CEP85L: variants seen among roughly 807,000 people sequenced by gnomAD.
The protein encoded by CEP85L is centrosomal protein of 85 kDa-like.
In CEP85L, 60 loss-of-function variants were observed where a neutral mutation model predicts 100.3. The observed-to-expected ratio is 0.60, with a 90% confidence interval of 0.49 to 0.74. The LOEUF is 0.74. Ranked by LOEUF, CEP85L falls within the 30% of genes least tolerant of loss-of-function variation. CEP85L has a pLI of 0.00. For synonymous variants in CEP85L, 319 were observed against 322.7 expected (o/e 0.99, Z 0.12); for missense variants, 973 against 936.2 (o/e 1.04, Z -0.51).
Position 118,462,971 on chromosome 6 carries a change from A to G in CEP85L, c.*2434T>C, listed in dbSNP as rs557728354. ...CTCCAGATTTTAAGAGGATCAATCT[A>G]TAATTCAGCTAACTACTTAAACTAG... On this transcript the variant is annotated 3_prime_UTR_variant, in exon 13 of 13. Transcript: ENST00000368491. The G allele has an allele frequency of 5.3e-5, 8 of 152,148 alleles. No homozygotes were observed. The highest frequency in any genetic ancestry group is 1.9e-4 in the African/African-American group (8 of 41,542). 9.4% of individuals were successfully genotyped at this position (152,148 alleles called of 1,614,324 possible).
In CEP85L at chr6:118,461,814, A is replaced by G. The variant is rs1772248616; in HGVS notation, c.*3591T>C. On this transcript the variant is annotated 3_prime_UTR_variant, in exon 13 of 13. Coordinates refer to ENST00000368491, the MANE Select transcript of CEP85L (RefSeq NM_001042475.3). ...TTCAAATGATATAGTCTGAGTGAGC[A>G]TGGTTATGAAAATTGCTTATTACCA... The G allele has an allele frequency of 6.6e-6, 1 of 152,080 alleles. No homozygotes were observed. Among genetic ancestry groups the G allele is most frequent in the African/African-American group, 2.4e-5 (1 of 41,442 alleles). 9.4% of individuals were successfully genotyped at this position (152,080 alleles called of 1,614,324 possible).
At chr6:118,684,941 C>T (rs73768521) in intron 1 of CEP85L, among the ~76,000 whole-genome samples, 5,244 of 152,212 alleles carry the variant, frequency 0.034, 177 homozygotes, top group African/African-American at 0.074. Flanking sequence ...TGTGAAGCAC[C>T]GCGCCTGGCC....
chr6:118,471,142 T>C (rs1015475342), intron 10 of CEP85L, among the ~76,000 whole-genome samples: 9 of 152,054 alleles, frequency 5.9e-5, no homozygotes, highest in African/African-American at 1.9e-4. Flanking sequence ...AAGCAGTGAA[T>C]ATACTGTGAA....
At chr6:118,667,064 T>C (rs560804572) in intron 1 of CEP85L, among the ~76,000 whole-genome samples, 2 of 152,354 alleles carry the variant, frequency 1.3e-5, no homozygotes, top group South Asian at 4.1e-4. Context: ...GTCCTCTATA[T>C]GTCAGGTACT....
chr6:118,471,660 G>GA (rs1772962286), intron 10 of CEP85L, among the ~76,000 whole-genome samples: 1 of 150,784 alleles, frequency 6.6e-6, no homozygotes, highest in African/African-American at 2.4e-5. Flanking sequence ...GCTAAACTCT[G>GA]AAAAAAATAT....
intron 1 of CEP85L, among the ~76,000 whole-genome samples, chr6:118,702,515 A>AAGAAAAACAATTAATTGCAATTTC (rs1777448204): frequency 6.6e-6 from 1 of 152,228 alleles, no homozygotes; most frequent in Non-Finnish European, 1.5e-5. Flanking sequence ...CCATCTCAAA[A>AAGAAAAACAATTAATTGCAATTTC]AGAAAAACAA....
chr6:118,669,528 T>G (rs1776231872), intron 1 of CEP85L, among the ~76,000 whole-genome samples: 1 of 152,320 alleles, frequency 6.6e-6, no homozygotes, highest in East Asian at 1.9e-4. Flanking sequence ...AAACATTTCC[T>G]TCTGGAAATA....
intron 10 of CEP85L, among the ~76,000 whole-genome samples, chr6:118,478,660 A>G (rs1390454956): frequency 6.6e-6 from 1 of 152,186 alleles, no homozygotes; most frequent in East Asian, 1.9e-4. Context: ...AATTCTCTAC[A>G]TAGTTTGAAT....
chr6:118,568,495 A>T (rs1451856872), intron 2 of CEP85L, among the ~76,000 whole-genome samples: 1 of 152,256 alleles, frequency 6.6e-6, no homozygotes, highest in Non-Finnish European at 1.5e-5. Flanking sequence ...TTAAAGTGCC[A>T]AGAAAAGTTG....
At chr6:118,500,576 G>A (rs1009290922) in intron 5 of CEP85L, among the ~76,000 whole-genome samples, 4 of 131,832 alleles carry the variant, frequency 3.0e-5, no homozygotes, top group Non-Finnish European at 6.8e-5. Flanking sequence ...TCAGAGGGCT[G>A]AAAAAGCTCA....
upstream of CEP85L, among the ~76,000 whole-genome samples, chr6:118,655,225 A>C (rs1247103517): frequency 6.6e-6 from 1 of 152,172 alleles, no homozygotes; most frequent in Non-Finnish European, 1.5e-5. Context: ...GATTCCTGGG[A>C]GGTACAGAAA....
intron 2 of CEP85L, among the ~76,000 whole-genome samples, chr6:118,631,713 CCA>C (rs1303156417): frequency 6.6e-6 from 1 of 152,072 alleles, no homozygotes; most frequent in Admixed American, 6.5e-5. Context: ...CTTTCAAATT[CCA>C]GTTATGATTC....
Position 118,691,603 on chromosome 6 carries a change from C to T in CEP85L, c.-28+18433G>A, listed in dbSNP as rs974390017. On this transcript the variant is annotated intron_variant, in intron 1 of 13. Coordinates refer to the CEP85L transcript ENST00000368488. ...ACAAAAAATTAGCCAGGCGTGGTGG[C>T]AGGCAGGCGCCTGTAATCCCAGCTA... is the stretch of plus-strand genomic sequence containing the variant. Among the ~76,000 whole-genome samples, 3 of 144,042 alleles carry T rather than the reference C, an allele frequency of 2.1e-5. No homozygotes were observed. In the South Asian group the frequency reaches 6.6e-4, roughly 32 times the overall value. The allele number at this position is 144,042 out of a possible 152,430, so 94.5% of individuals were successfully genotyped here. A position where few individuals can be genotyped will look rare whatever the true frequency, so the allele number is the denominator to read the frequency against.
chr6:118,499,640 G>C (rs932181512), intron 5 of CEP85L, among the ~76,000 whole-genome samples: 1 of 151,838 alleles, frequency 6.6e-6, no homozygotes, highest in African/African-American at 2.4e-5. Flanking sequence ...CTCCAGCCTG[G>C]GGGACAGAGT....
chr6:118,519,343 G>T (rs941654197), intron 4 of CEP85L, among the ~76,000 whole-genome samples: 2 of 151,488 alleles, frequency 1.3e-5, no homozygotes, highest in Admixed American at 1.3e-4. Context: ...GGAAGCTGAG[G>T]CAGAAGAACT....
chr6:118,538,001 T>G (rs536047143), intron 3 of CEP85L: 3 of 727,810 alleles, frequency 4.1e-6, no homozygotes, highest in Admixed American at 6.3e-5. Context: ...ATAATACAAA[T>G]AACATAAAAT....
At position 118,491,593 on chromosome 6, in the gene CEP85L, C is replaced by G. The variant is rs1169662687; in HGVS notation, c.1437+93G>C. 4.0e-6 allele frequency: 6 copies of G among 1,505,616 alleles called. No individual in the cohort carries two copies. The Admixed American group carries it at 1.4e-4, about 36-fold the overall frequency. The allele number at this position is 1,505,616 out of a possible 1,614,324, so 93.3% of individuals were successfully genotyped here. On this transcript the variant is annotated intron_variant, in intron 6 of 12. Coordinates refer to ENST00000368491, the MANE Select transcript of CEP85L (RefSeq NM_001042475.3). ...ACCTCCACATAAATGTATACATAAC[C>G]TGGCATGACACCTGACAGGGTAAAT...
At chr6:118,683,985 T>C (rs1228908518) in intron 1 of CEP85L, among the ~76,000 whole-genome samples, 1 of 152,228 alleles carries the variant, frequency 6.6e-6, no homozygotes, top group Non-Finnish European at 1.5e-5. Context: ...GGAAAATTAA[T>C]GTGTAACTTT....
chr6:118,556,210 CTGCTATT>C (rs1280948400), intron 3 of CEP85L, among the ~76,000 whole-genome samples: 1 of 152,148 alleles, frequency 6.6e-6, no homozygotes, highest in Non-Finnish European at 1.5e-5. Context: ...CTTTTATAAG[CTGCTATT>C]TTCTAAGTAG....
Sources: gnomAD v4.1 joint callset for allele counts (sites outside exome capture counted in the v4.1 genomes callset) on GRCh38, gnomAD v4.1.1 for gene constraint, MANE v1.5 for transcripts, NCBI Gene and HGNC (gene_info 2026-07-23, HGNC 2026-07-21) for gene names.